The following RIMBP2 variants were observed in gnomAD, a reference collection of about 807,000 sequenced individuals.
The protein encoded by RIMBP2 is RIMS-binding protein 2.
In RIMBP2, 48 loss-of-function variants were observed where a neutral mutation model predicts 118.6. The observed-to-expected ratio is 0.40, with a 90% CI of 0.32 to 0.51. The LOEUF is 0.51. Ranked by LOEUF, RIMBP2 falls within the 20% of genes least tolerant of loss-of-function variation. The pLI is 0.41. For missense variants in RIMBP2, 1,551 were observed against 1,768.3 expected, an observed-to-expected ratio of 0.88 and a Z score of 2.20; for synonymous variants, 762 against 742.9, an observed-to-expected ratio of 1.03 and a Z score of -0.42.
chr12:130,622,835 C>T lies in RIMBP2; in HGVS notation c.-217+5487G>A, dbSNP rs2061401565. On this transcript the variant is annotated intron_variant, in intron 2 of 22. Coordinates refer to ENST00000690449, the MANE Select transcript of RIMBP2 (RefSeq NM_001393629.1). This position sits in a 1 kb window ranked among gnomAD's most constrained non-coding sequence, Gnocchi z 8.5. ...AAGGCATAGAAGACAAAATTTCTCT[C>T]TCTCTGACCCTGCTCAATGCTTAGA... is the stretch of plus-strand genomic sequence containing the variant. 6.6e-6 allele frequency among the ~76,000 whole-genome samples: 1 copy of T among 152,198 alleles called. No homozygotes were observed. The highest frequency in any genetic ancestry group is 2.4e-5 in the African/African-American group (1 of 41,438).
At position 130,594,654 on chromosome 12, in the gene RIMBP2, T is replaced by C. The variant is rs571784410; in HGVS notation, c.-217+33668A>G. 5.9e-5 allele frequency among the ~76,000 whole-genome samples: 9 copies of C among 152,204 alleles called. No homozygotes were observed. In the South Asian group the frequency reaches 1.5e-3, roughly 25 times the overall value. ...GCCATCCTGGGCTGCATGTGGCCCATGGGTAATGGGTTGGACAAGCTTGTT... is the reference window on the plus strand; with the variant it reads ...GCCATCCTGGGCTGCATGTGGCCCACGGGTAATGGGTTGGACAAGCTTGTT... On this transcript the variant is annotated intron_variant, in intron 2 of 22. Coordinates refer to ENST00000690449, the MANE Select transcript of RIMBP2 (RefSeq NM_001393629.1).
intron 4 of RIMBP2, among the ~76,000 whole-genome samples, chr12:130,495,965 G>A (rs1200610751): frequency 1.3e-5 from 2 of 152,220 alleles, no homozygotes; most frequent in Non-Finnish European, 2.9e-5. Flanking sequence ...ATTAGGTCAT[G>A]CTACTGAGAT....
At chr12:130,600,204 C>T (rs1013777642) in intron 2 of RIMBP2, among the ~76,000 whole-genome samples, 7 of 152,232 alleles carry the variant, frequency 4.6e-5, no homozygotes, top group Non-Finnish European at 1.0e-4. Flanking sequence ...AGCAGGAGCA[C>T]TGCCATCTTG....
chr12:130,530,699 G>T (rs56368116), intron 2 of RIMBP2, among the ~76,000 whole-genome samples: 2,587 of 152,236 alleles, frequency 0.017, 37 homozygotes, highest in Non-Finnish European at 0.026. Flanking sequence ...ATATTTGATT[G>T]CCTTTTTTTA....
At chr12:130,532,864 C>T (rs544113624) in intron 2 of RIMBP2, among the ~76,000 whole-genome samples, 1 of 148,840 alleles carries the variant, frequency 6.7e-6, no homozygotes, top group African/African-American at 2.5e-5. Context: ...CTAGGAGGGA[C>T]GTCTAATGAG....
In RIMBP2 at chr12:130,396,507, T is replaced by TTGAG. The variant is rs1158450810; in HGVS notation, c.*850_*853dup. On this transcript the variant is annotated 3_prime_UTR_variant, in exon 23 of 23. Transcript: ENST00000690449. ...TGGACTCATTTGGAGCAGATTTAAATTGAGTCTGGTTTTGGTGTGGCTTAT... is the reference window on the plus strand; with the variant it reads ...TGGACTCATTTGGAGCAGATTTAAATTGAGTGAGTCTGGTTTTGGTGTGGCTTAT... 2.6e-5 allele frequency: 4 copies of TTGAG among 152,634 alleles called. No individual in the cohort carries two copies. Among genetic ancestry groups the TTGAG allele is most frequent in the African/African-American group, 9.6e-5 (4 of 41,462 alleles). The allele number at this position is 152,634 out of a possible 1,614,324, so 9.5% of individuals were successfully genotyped here.
intron 1 of RIMBP2, among the ~76,000 whole-genome samples, chr12:130,643,746 G>T (rs2062728368): frequency 6.6e-6 from 1 of 152,200 alleles, no homozygotes; most frequent in Non-Finnish European, 1.5e-5. Flanking sequence ...CGGGGCAAGG[G>T]TAAGGTCCTG....
chr12:130,522,565 C>T (rs959241984), intron 2 of RIMBP2, among the ~76,000 whole-genome samples: 2 of 152,240 alleles, frequency 1.3e-5, no homozygotes, highest in African/African-American at 4.8e-5. Flanking sequence ...GGGCTCCTTC[C>T]CAAAATAGAC....
rs563593717 is a variant in RIMBP2, at chr12:130,451,629, A to C, written c.359-289T>G. On this transcript the variant is annotated intron_variant, in intron 7 of 22. Coordinates refer to ENST00000690449, the MANE Select transcript of RIMBP2 (RefSeq NM_001393629.1). Reference sequence around the variant, plus strand: ...GGAACTAAAGGAGAGTTGATGGCAAACAGGCTGCTCCTTTCCTTGGCTTAA... The same window carrying C: ...GGAACTAAAGGAGAGTTGATGGCAACCAGGCTGCTCCTTTCCTTGGCTTAA... Among the ~76,000 whole-genome samples the C allele has an allele frequency of 2.6e-5, 4 of 152,314 alleles. No homozygotes were observed. The South Asian group carries it at 8.3e-4, about 32-fold the overall frequency.
At chr12:130,564,997 C>T (rs1262102925) in intron 2 of RIMBP2, among the ~76,000 whole-genome samples, 1 of 152,210 alleles carries the variant, frequency 6.6e-6, no homozygotes, top group Non-Finnish European at 1.5e-5. Flanking sequence ...CAAACTCAAA[C>T]TGTATAAATT....
At chr12:130,562,550 C>T (rs918408508) in intron 2 of RIMBP2, among the ~76,000 whole-genome samples, 1 of 152,220 alleles carries the variant, frequency 6.6e-6, no homozygotes, top group Non-Finnish European at 1.5e-5. Flanking sequence ...CTTCTGGAAG[C>T]TCACATAGAA....
At chr12:130,627,151 G>A (rs1241412003) in intron 2 of RIMBP2, among the ~76,000 whole-genome samples, 1 of 152,018 alleles carries the variant, frequency 6.6e-6, no homozygotes, top group African/African-American at 2.4e-5. Flanking sequence ...CAGGACTACG[G>A]CTAGCATCAT....
intron 1 of RIMBP2, among the ~76,000 whole-genome samples, chr12:130,629,673 C>T (rs1004224346): frequency 1.3e-5 from 2 of 152,138 alleles, no homozygotes; most frequent in Non-Finnish European, 2.9e-5. Context: ...GGATGCTACC[C>T]CTCACCACTC....
rs1478176525 is a variant in RIMBP2, at chr12:130,620,492, G to A, written c.-217+7830C>T. Among the ~76,000 whole-genome samples, 7 of 152,200 alleles carry A rather than the reference G, an allele frequency of 4.6e-5. No individual in the cohort carries two copies. In the South Asian group the frequency reaches 6.2e-4, roughly 14 times the overall value. ...TCCTCCAGCCGCCGTGACAAAGTAC[G>A]ACAAGCCAGGAGGCTTGAAGAACAG... is the stretch of plus-strand genomic sequence containing the variant. On this transcript the variant is annotated intron_variant, in intron 2 of 22. Transcript: ENST00000690449. This position sits in a 1 kb window ranked among gnomAD's most constrained non-coding sequence, Gnocchi z 5.3.
At chr12:130,514,532 T>C (rs1219191663) in intron 3 of RIMBP2, among the ~76,000 whole-genome samples, 1 of 152,180 alleles carries the variant, frequency 6.6e-6, no homozygotes, top group Non-Finnish European at 1.5e-5. Context: ...CAGCTGGCAT[T>C]GCCTCTCCAG....
rs148784937 is a variant in RIMBP2, at chr12:130,611,133, G to C, written c.-217+17189C>G. On this transcript the variant is annotated intron_variant, in intron 2 of 22. Transcript: ENST00000690449. ...AGGCCGCCCAAAGCGGGCAGAGCCT[G>C]AACTCAGCCTCAGGCCACTGACATG... Among the ~76,000 whole-genome samples, 473 of 152,302 alleles carry C rather than the reference G, an allele frequency of 3.1e-3. 1 individual carries two copies. Among genetic ancestry groups the C allele is most frequent in the Admixed American group, 5.1e-3 (78 of 15,312 alleles).
intron 2 of RIMBP2, among the ~76,000 whole-genome samples, chr12:130,595,290 G>A (rs972945417): frequency 2.6e-5 from 4 of 152,178 alleles, no homozygotes; most frequent in African/African-American, 9.7e-5. Flanking sequence ...CGGGCGCGGT[G>A]GCTCACGCCT....
intron 21 of RIMBP2, among the ~76,000 whole-genome samples, chr12:130,404,546 C>A (rs1259613250): frequency 6.6e-6 from 1 of 152,172 alleles, no homozygotes; most frequent in African/African-American, 2.4e-5. Flanking sequence ...GTGATCAGCA[C>A]GCCTCAGCCT....
intron 2 of RIMBP2, among the ~76,000 whole-genome samples, chr12:130,540,539 T>C (rs2054512683): frequency 6.6e-6 from 1 of 152,178 alleles, no homozygotes; most frequent in African/African-American, 2.4e-5. Context: ...GATAGCATCA[T>C]GGAACTGAAA....
Sources: gnomAD v4.1 joint callset for allele counts (sites outside exome capture counted in the v4.1 genomes callset) on GRCh38, gnomAD v4.1.1 for gene constraint, Gnocchi (gnomAD v3.1) non-coding constraint, MANE v1.5 for transcripts, NCBI Gene and HGNC (gene_info 2026-07-23, HGNC 2026-07-21) for gene names.